Variants in COPS7A observed in about 807,000 individuals in gnomAD.
COPS7A encodes the protein COP9 signalosome complex subunit 7a.
Under a neutral mutation model 35.2 loss-of-function variants are expected in COPS7A, and 20 were observed. The observed-to-expected ratio is 0.57, with a 90% confidence interval of 0.40 to 0.83. COPS7A has a LOEUF of 0.83. Among genes scored for constraint, COPS7A ranks in the 40% least tolerant of loss-of-function variants. The pLI is 0.00. For missense variants in COPS7A, 247 were observed against 347.5 expected, an observed-to-expected ratio of 0.71 and a Z score of 2.30; for synonymous variants, 139 against 141.4, an observed-to-expected ratio of 0.98 and a Z score of 0.12.
chr12:6,727,947 T>C lies in COPS7A; in HGVS notation c.184T>C (p.Ser62Pro), dbSNP rs1173182050. 3.3e-5 allele frequency: 54 copies of C among 1,614,060 alleles called. No individual in the cohort carries two copies. The highest frequency in any genetic ancestry group is 4.5e-5 in the Non-Finnish European group (53 of 1,180,030). ...VRELAESDFA[S>P]TFRLLTVFAY... ...GCAGCTGGCTGAGAGTGACTTTGCC[T>C]CTACCTTCCGGCTGCTCACAGTGTT... The change falls in exon 3 of 8, where the codon TCT (serine) becomes CCT (proline). Residue 62 changes from serine to proline, a missense_variant. Transcript: ENST00000543155.
chr12:6,730,810 A>G lies in COPS7A; in HGVS notation c.778A>G (p.Lys260Glu). ...NQRQPSKKASKGKGLRGSAKI... is the reference protein window; with the variant it reads ...NQRQPSKKASEGKGLRGSAKI... ...GCGCCAGCCCAGCAAGAAAGCCTCA[A>G]AGGGCAAGGGGTGAGCCAGGGTAGC... The change falls in exon 7 of 8, where the codon AAG (lysine) becomes GAG (glutamate). Residue 260 changes from lysine to glutamate, a missense_variant. Physicochemically the swap from Lys to Glu is moderately conservative, Grantham distance 56. Transcript: ENST00000543155. 2 of 1,614,118 alleles carry G rather than the reference A, an allele frequency of 1.2e-6. No homozygotes were observed. Among genetic ancestry groups the G allele is most frequent in the Non-Finnish European group, 1.7e-6 (2 of 1,180,010 alleles).
At position 6,726,612 on chromosome 12, in the gene COPS7A, AAT is replaced by A. The variant is rs761270558; in HGVS notation, c.163-1312_163-1311del. Among the ~76,000 whole-genome samples the A allele has an allele frequency of 8.6e-4, 128 of 149,356 alleles. 1 individual carries two copies. Among genetic ancestry groups the A allele is most frequent in the Admixed American group, 1.5e-3 (22 of 14,956 alleles). ...AGTGAGACTCTGTCTCAAAAAAAAA[AAT>A]AAATAAATAAATAAAACAAACAAAA... On this transcript the variant is annotated intron_variant, in intron 2 of 7. Coordinates refer to ENST00000543155, the MANE Select transcript of COPS7A (RefSeq NM_001164094.2).
rs745924120 is a variant in COPS7A at position 6,724,613 on chromosome 12, G to C, written c.-43-1G>C. 1.2e-6 allele frequency: 2 copies of C among 1,613,094 alleles called. No individual in the cohort carries two copies. Among genetic ancestry groups the C allele is most frequent in the African/African-American group, 1.3e-5 (1 of 75,024 alleles). ...TAGCTTCACATCCTCTTTCCTTGCAGCTCTGGACATCCTGAGCCCAAGTCC... is the reference window on the plus strand; with the variant it reads ...TAGCTTCACATCCTCTTTCCTTGCACCTCTGGACATCCTGAGCCCAAGTCC... On this transcript the variant is annotated splice_acceptor_variant, in intron 1 of 7. Coordinates refer to ENST00000543155, the MANE Select transcript of COPS7A (RefSeq NM_001164094.2). LOFTEE classifies it low-confidence loss of function (5UTR_SPLICE).
intron 2 of COPS7A, chr12:6,725,871 TAA>T (rs1018919619): frequency 2.2e-6 from 1 of 455,974 alleles, no homozygotes; most frequent in Non-Finnish European, 4.4e-6. Context: ...GCAGTGGAAC[TAA>T]AGAGTATCAA....
At position 6,731,403 on chromosome 12, in the gene COPS7A, GC is replaced by G; in HGVS notation, c.*366del. 9.0e-7 allele frequency: 1 copy of G among 1,111,738 alleles called. No individual in the cohort carries two copies. The highest frequency in any genetic ancestry group is 1.2e-6 in the Non-Finnish European group (1 of 848,856). The allele number at this position is 1,111,738 out of a possible 1,614,324, so 68.9% of individuals were successfully genotyped here. ...AGCATAACCCACAGGCGTTTTTTCT[GC>G]CACCCCATCCCTGCATGCCTGATCC... is the stretch of plus-strand genomic sequence containing the variant. On this transcript the variant is annotated 3_prime_UTR_variant, in exon 8 of 8. Transcript: ENST00000543155.
At chr12:6,725,543 C>T (rs1359023639) in intron 2 of COPS7A, 1 of 446,632 alleles carries the variant, frequency 2.2e-6, no homozygotes, top group South Asian at 1.6e-5. Flanking sequence ...AAGTCTGGTA[C>T]AAGTGGAGAG....
intron 3 of COPS7A, 99 bp from the exon 4 acceptor site, chr12:6,728,124 G>T: frequency 6.9e-7 from 1 of 1,445,522 alleles, no homozygotes; most frequent in Non-Finnish European, 9.7e-7. Context: ...TCAGGGTCAA[G>T]ACCTGAATTG....
chr12:6,725,905 A>T (rs982176590), intron 2 of COPS7A: 1 of 456,124 alleles, frequency 2.2e-6, no homozygotes, highest in Non-Finnish European at 4.4e-6. Context: ...AAAAAGAAGC[A>T]CTTGGCTGGG....
At chr12:6,728,537 G>C (rs1480114026) in intron 4 of COPS7A, among the ~76,000 whole-genome samples, 1 of 152,110 alleles carries the variant, frequency 6.6e-6, no homozygotes, top group African/African-American at 2.4e-5. Flanking sequence ...CATCTTCTGT[G>C]GTTTTGGTCA....
At chr12:6,726,030 C>A in intron 2 of COPS7A, 1 of 403,116 alleles carries the variant, frequency 2.5e-6, no homozygotes, top group Non-Finnish European at 5.0e-6. Flanking sequence ...AAAATACAAA[C>A]AGGGCTGGGC....
In COPS7A at chr12:6,728,323, TC is replaced by T. The variant is rs1941308264; in HGVS notation, c.327+17del. Reference sequence around the variant, plus strand: ...CTGCTAAAGTAAAGGTGAGTGGCAGTCCCCCAGTCCTACGGTCTAGAGCATC... The same window carrying T: ...CTGCTAAAGTAAAGGTGAGTGGCAGTCCCCAGTCCTACGGTCTAGAGCATC... On this transcript the variant is annotated intron_variant, in intron 4 of 7. Coordinates refer to ENST00000543155, the MANE Select transcript of COPS7A (RefSeq NM_001164094.2). The T allele has an allele frequency of 3.1e-6, 5 of 1,608,424 alleles. No homozygotes were observed. The East Asian group carries it at 1.1e-4, about 36-fold the overall frequency.
At chr12:6,727,586 CTG>C in intron 2 of COPS7A, 1 of 469,142 alleles carries the variant, frequency 2.1e-6, no homozygotes, top group Non-Finnish European at 4.2e-6. Context: ...ATCAAACACT[CTG>C]AGGGCAGGCA....
chr12:6,726,602 C>CAAA (rs374195335), intron 2 of COPS7A, among the ~76,000 whole-genome samples: 2,607 of 137,782 alleles, frequency 0.019, 50 homozygotes, highest in East Asian at 0.041. Flanking sequence ...GACTCTGTCT[C>CAAA]AAAAAAAAAA....
At position 6,731,217 on chromosome 12, in the gene COPS7A, C is replaced by A; in HGVS notation, c.*178C>A. The A allele has an allele frequency of 6.7e-7, 1 of 1,483,886 alleles. No individual in the cohort carries two copies. Among genetic ancestry groups the A allele is most frequent in the Non-Finnish European group, 9.0e-7 (1 of 1,116,598 alleles). The allele number at this position is 1,483,886 out of a possible 1,614,324, so 91.9% of individuals were successfully genotyped here. Reference sequence around the variant, plus strand: ...CTCTAGGGAGGAGGCAAATGTAGGTCATGTTTTTGTTGGTACTTTCTGTTT... The same window carrying A: ...CTCTAGGGAGGAGGCAAATGTAGGTAATGTTTTTGTTGGTACTTTCTGTTT... On this transcript the variant is annotated 3_prime_UTR_variant, in exon 8 of 8. Transcript: ENST00000543155.
chr12:6,726,816 TC>T (rs1592468380), intron 2 of COPS7A, among the ~76,000 whole-genome samples: 1 of 152,108 alleles, frequency 6.6e-6, no homozygotes, highest in Non-Finnish European at 1.5e-5. Context: ...CTTCTTATGG[TC>T]TGGGAATACA....
chr12:6,727,583 A>G, intron 2 of COPS7A: 1 of 460,708 alleles, frequency 2.2e-6, no homozygotes, highest in South Asian at 1.7e-5. Flanking sequence ...AACATCAAAC[A>G]CTCTGAGGGC....
In COPS7A at chr12:6,729,362, G is replaced by T; in HGVS notation, c.443G>T (p.Arg148Leu). The stretch of plus-strand genomic sequence containing the variant: ...GTGCTTCGTGGCTCCCTGGACCAGC[G>T]CAACCAGCGGCTCGAGGTTGACTAC... ...ADVLRGSLDQRNQRLEVDYSI... is the reference protein window; with the variant it reads ...ADVLRGSLDQLNQRLEVDYSI... Residue 148 changes from arginine (R) to leucine (L), a missense_variant, in exon 5 of 8, where the codon CGC becomes CTC. Physicochemically the swap from Arg to Leu is moderately radical, Grantham distance 102 (BLOSUM62 -2). Coordinates refer to ENST00000543155, the MANE Select transcript of COPS7A (RefSeq NM_001164094.2). The surrounding 1 kb of genome is among the most constrained non-coding windows in gnomAD (Gnocchi z 4.2). 1 of 1,614,180 alleles carries T rather than the reference G, an allele frequency of 6.2e-7. No individual in the cohort carries two copies. The highest frequency in any genetic ancestry group is 8.5e-7 in the Non-Finnish European group (1 of 1,180,032).
Position 6,729,200 on chromosome 12 carries a change from T to G in COPS7A, c.328-47T>G. 1 of 1,600,514 alleles carries G rather than the reference T, an allele frequency of 6.2e-7. No homozygotes were observed. Among genetic ancestry groups the G allele is most frequent in the Non-Finnish European group, 8.6e-7 (1 of 1,168,094 alleles). On this transcript the variant is annotated intron_variant, in intron 4 of 7. Transcript: ENST00000543155. The surrounding 1 kb of genome is among the most constrained non-coding windows in gnomAD (Gnocchi z 4.2). ...GAGGGAAGATTTTTGGAAGCCCTTC[T>G]CTACTACGGAGCGTCACAAATCCTG...
intron 2 of COPS7A, 66 bp downstream of exon 2, chr12:6,724,884 G>A (rs1941212351): frequency 6.5e-7 from 1 of 1,537,956 alleles, no homozygotes; most frequent in Non-Finnish European, 8.9e-7. Flanking sequence ...AGAATGGGTG[G>A]GCAGGGCTCA....
Sources: gnomAD v4.1 joint callset for allele counts (sites outside exome capture counted in the v4.1 genomes callset) on GRCh38, gnomAD v4.1.1 for gene constraint, Gnocchi (gnomAD v3.1) non-coding constraint, MANE v1.5 for transcripts, NCBI Gene and HGNC (gene_info 2026-07-23, HGNC 2026-07-21) for gene names.